SLC20A2: variants seen among roughly 807,000 people sequenced by gnomAD.
The protein encoded by SLC20A2 is solute carrier family 20 member 2, also known as sodium-dependent phosphate transporter 2.
SLC20A2 carries 30 observed loss-of-function variants against 61.0 expected under a neutral mutation model. The observed-to-expected ratio is 0.49, with a 90% confidence interval of 0.37 to 0.67. SLC20A2 has a LOEUF of 0.67. SLC20A2 is among the 30% of genes least tolerant of loss of function. The pLI is 0.00. For missense variants in SLC20A2, 626 were observed against 866.4 expected (o/e 0.72, Z 3.48); for synonymous variants, 351 against 353.3 (o/e 0.99, Z 0.07).
At chr8:42,451,648 AGGAGGAAGAGATAGAGGG>A in intron 5 of SLC20A2, among the ~76,000 whole-genome samples, 1 of 123,356 alleles carries the variant, frequency 8.1e-6, no homozygotes, top group Non-Finnish European at 1.7e-5. Context: ...GAAGAGGAAG[AGGAGGAAGAGATAGAGGG>A]GGAGGAAGAG....
intron 1 of SLC20A2, among the ~76,000 whole-genome samples, chr8:42,511,927 T>G (rs139150947): frequency 3.3e-5 from 5 of 151,914 alleles, no homozygotes; most frequent in Non-Finnish European, 7.4e-5. Context: ...ACAACTCAGC[T>G]CTCAGAACTA....
chr8:42,470,039 G>A (rs1172760299), intron 2 of SLC20A2, among the ~76,000 whole-genome samples: 3 of 150,798 alleles, frequency 2.0e-5, no homozygotes. Context: ...TCCACTTGAT[G>A]GAATTAAATC....
chr8:42,479,044 G>C (rs1304417155), intron 1 of SLC20A2, among the ~76,000 whole-genome samples: 1 of 152,070 alleles, frequency 6.6e-6, no homozygotes, highest in Non-Finnish European at 1.5e-5. Flanking sequence ...GGAGGGGCTC[G>C]GGACATGACT....
intron 5 of SLC20A2, among the ~76,000 whole-genome samples, chr8:42,451,170 A>AGAGAAGGAGGAGGAAGAT (rs1409042743): frequency 6.7e-6 from 1 of 149,872 alleles, no homozygotes. Flanking sequence ...AGGTGGAAGA[A>AGAGAAGGAGGAGGAAGAT]GAGAAGGAGG....
intron 5 of SLC20A2, among the ~76,000 whole-genome samples, chr8:42,456,372 G>A (rs189247845): frequency 1.3e-5 from 2 of 152,152 alleles, no homozygotes; most frequent in Non-Finnish European, 2.9e-5. Context: ...AGCAACCTGG[G>A]AGGCGTCTGG....
intron 1 of SLC20A2, among the ~76,000 whole-genome samples, chr8:42,527,319 C>A (rs1201898596): frequency 1.3e-5 from 2 of 151,066 alleles, no homozygotes; most frequent in African/African-American, 4.9e-5. Context: ...TTGCGGTGAG[C>A]CAAGATCGCA....
At chr8:42,514,508 G>A (rs753880823) in intron 1 of SLC20A2, among the ~76,000 whole-genome samples, 5 of 152,014 alleles carry the variant, frequency 3.3e-5, no homozygotes, top group Admixed American at 6.6e-5. Context: ...CTGTAATCCC[G>A]GCACTTTGGG....
Position 42,428,858 on chromosome 8 carries a change from G to A in SLC20A2, c.1710-16C>T, listed in dbSNP as rs200791614. The A allele has an allele frequency of 7.2e-5, 113 of 1,570,052 alleles. No homozygotes were observed. In the African/African-American group the frequency reaches 1.4e-3, roughly 20 times the overall value. ...CGTGAAGCCGCTGTGGGGGGAGCATGAGACACGTCACAGGTGCCCTCTGTA... is the reference window on the plus strand; with the variant it reads ...CGTGAAGCCGCTGTGGGGGGAGCATAAGACACGTCACAGGTGCCCTCTGTA... On this transcript the variant is annotated splice_polypyrimidine_tract_variant and intron_variant, in intron 9 of 10. Transcript: ENST00000520262.
intron 1 of SLC20A2, among the ~76,000 whole-genome samples, chr8:42,525,581 C>CAA (rs34356863): frequency 1.6e-3 from 108 of 68,582 alleles, no homozygotes; most frequent in African/African-American, 2.6e-3. Flanking sequence ...GACTCTGTCT[C>CAA]AAAAAAAAAA....
chr8:42,428,754 C>A lies in SLC20A2; in HGVS notation c.1794+4G>T. The A allele has an allele frequency of 6.2e-7, 1 of 1,610,176 alleles. No individual in the cohort carries two copies. The highest frequency in any genetic ancestry group is 8.5e-7 in the Non-Finnish European group (1 of 1,178,494). On this transcript the variant is annotated splice_donor_region_variant and intron_variant, in intron 10 of 10. Transcript: ENST00000520262. ...GGAAGGGCTCCCGGCTAGCAGGGGC[C>A]TACCTTACAGTGCGTGGTGCTGACT...
chr8:42,449,989 A>G (rs1462059312), intron 5 of SLC20A2, among the ~76,000 whole-genome samples: 2 of 152,216 alleles, frequency 1.3e-5, no homozygotes, highest in Non-Finnish European at 2.9e-5. Context: ...ACACACATGC[A>G]CACACACAGA....
chr8:42,528,280 T>C (rs1812105032), intron 1 of SLC20A2, among the ~76,000 whole-genome samples: 1 of 151,918 alleles, frequency 6.6e-6, no homozygotes, highest in Non-Finnish European at 1.5e-5. Context: ...GCTAACACGG[T>C]GAAACCCCGT....
chr8:42,419,358 T>C (rs1802893502), intron 10 of SLC20A2, among the ~76,000 whole-genome samples: 1 of 151,548 alleles, frequency 6.6e-6, no homozygotes, highest in African/African-American at 2.4e-5. Context: ...TCACCTGAGG[T>C]CAGGAGTTCG....
rs192846873 is a variant in SLC20A2 at position 42,480,818 on chromosome 8, C to G, written c.-264-8164G>C. Among the ~76,000 whole-genome samples, 26 of 152,222 alleles carry G rather than the reference C, an allele frequency of 1.7e-4. No homozygotes were observed. The East Asian group carries it at 4.8e-3, about 28-fold the overall frequency. On this transcript the variant is annotated intron_variant, in intron 1 of 10. Transcript: ENST00000520262. Reference sequence around the variant, plus strand: ...CAGACTACAGGCACATGCCATCATGCTTGGCTAATTTTGTTTTCTTTTTGG... The same window carrying G: ...CAGACTACAGGCACATGCCATCATGGTTGGCTAATTTTGTTTTCTTTTTGG...
At chr8:42,460,054 C>G in intron 4 of SLC20A2, 62 bp from the exon 5 acceptor site, 1 of 918,436 alleles carries the variant, frequency 1.1e-6, no homozygotes, top group Non-Finnish European at 1.8e-6. Context: ...GGAGCCAACA[C>G]AGACAAAATG....
intron 1 of SLC20A2, among the ~76,000 whole-genome samples, chr8:42,479,916 C>G (rs1808430229): frequency 6.6e-6 from 1 of 152,168 alleles, no homozygotes. Flanking sequence ...GAATGAGGAG[C>G]ACTCAGGGGG....
intron 8 of SLC20A2, among the ~76,000 whole-genome samples, chr8:42,434,847 TG>T (rs1804125862): frequency 6.6e-6 from 1 of 152,096 alleles, no homozygotes; most frequent in Admixed American, 6.6e-5. Context: ...TCCTTTGAAA[TG>T]AAACATGGTG....
chr8:42,531,703 T>G (rs1812331829), intron 1 of SLC20A2, among the ~76,000 whole-genome samples: 5 of 152,210 alleles, frequency 3.3e-5, no homozygotes. Context: ...GGGTTGGTTG[T>G]TAATGGCATT....
At chr8:42,439,389 G>A (rs951460744) in intron 7 of SLC20A2, 61 bp downstream of exon 7, 2 of 1,534,302 alleles carry the variant, frequency 1.3e-6, no homozygotes, top group Non-Finnish European at 1.8e-6. Context: ...GGCCCAGCTG[G>A]TCCTCCCCAG....
Sources: gnomAD v4.1 joint callset for allele counts (sites outside exome capture counted in the v4.1 genomes callset) on GRCh38, gnomAD v4.1.1 for gene constraint, MANE v1.5 for transcripts, NCBI Gene and HGNC (gene_info 2026-07-23, HGNC 2026-07-21) for gene names.